GRID2: variants seen among roughly 807,000 people sequenced by gnomAD.
GRID2 encodes glutamate receptor ionotropic, delta-2.
Under a neutral mutation model 114.8 loss-of-function variants are expected in GRID2, and 33 were observed. The observed-to-expected ratio is 0.29, with a 90% confidence interval of 0.22 to 0.38. The LOEUF is 0.38. GRID2 is among the 10% of genes least tolerant of loss of function. GRID2 has a pLI of 1.00. For missense variants in GRID2, 1,184 were observed against 1,257.7 expected, an observed-to-expected ratio of 0.94 and a Z score of 0.89; for synonymous variants, 505 against 449.9, an observed-to-expected ratio of 1.12 and a Z score of -1.55.
At chr4:92,978,054 T>C (rs555129641) in intron 2 of GRID2, among the ~76,000 whole-genome samples, 1 of 152,248 alleles carries the variant, frequency 6.6e-6, no homozygotes, top group African/African-American at 2.4e-5. Context: ...GGATAGTCTA[T>C]ATAAGTAAGA....
rs986123754 is a variant in GRID2 at position 92,715,620 on chromosome 4, G to T, written c.244+125334G>T. On this transcript the variant is annotated intron_variant, in intron 2 of 15. Coordinates refer to ENST00000282020, the MANE Select transcript of GRID2 (RefSeq NM_001510.4). ...ACAATCATGGTGGAAGAAGATGAAA[G>T]GTACATCTCACGTGGTGGCAGACGA... Among the ~76,000 whole-genome samples the T allele has an allele frequency of 8.5e-5, 13 of 152,294 alleles. No individual in the cohort carries two copies. In the South Asian group the frequency reaches 1.0e-3, roughly 12 times the overall value.
At chr4:93,112,656 T>A (rs576620514) in intron 4 of GRID2, among the ~76,000 whole-genome samples, 3 of 152,258 alleles carry the variant, frequency 2.0e-5, no homozygotes, top group South Asian at 2.1e-4. Flanking sequence ...GCTAGTGTAT[T>A]CCTTTGCTAG....
At chr4:92,729,431 T>C (rs116272279) in intron 2 of GRID2, among the ~76,000 whole-genome samples, 3,304 of 152,098 alleles carry the variant, frequency 0.022, 60 homozygotes, top group Non-Finnish European at 0.033. Context: ...CTTTTAGTTT[T>C]TATTTTTGAT....
intron 3 of GRID2, among the ~76,000 whole-genome samples, chr4:93,098,380 C>T (rs750903824): frequency 5.3e-5 from 8 of 151,896 alleles, no homozygotes; most frequent in Admixed American, 4.6e-4. Flanking sequence ...AATTGGCAGT[C>T]GTTCCAGGCA....
chr4:93,496,572 T>C (rs1248919528), intron 12 of GRID2, among the ~76,000 whole-genome samples: 1 of 151,764 alleles, frequency 6.6e-6, no homozygotes, highest in African/African-American at 2.4e-5. Flanking sequence ...ACTTACTGTG[T>C]TCCCCATTTC....
At chr4:92,504,708 CTT>C (rs1246716587) in intron 1 of GRID2, among the ~76,000 whole-genome samples, 1 of 151,852 alleles carries the variant, frequency 6.6e-6, no homozygotes, top group Admixed American at 6.6e-5. Context: ...TGATAAAACT[CTT>C]ATAAAAAAAC....
intron 14 of GRID2, among the ~76,000 whole-genome samples, chr4:93,706,779 C>T (rs1728039144): frequency 6.6e-6 from 1 of 152,146 alleles, no homozygotes; most frequent in African/African-American, 2.4e-5. Context: ...AGCAGGCATC[C>T]TTGCCTTGAT....
In GRID2 at chr4:92,848,663, T is replaced by A. The variant is rs943560366; in HGVS notation, c.245-236332T>A. ...TAACTAGATTGATGAGTCTACATCA[T>A]TACCACCTGAGAATTTAATGAAGCG... On this transcript the variant is annotated intron_variant, in intron 2 of 15. Coordinates refer to ENST00000282020, the MANE Select transcript of GRID2 (RefSeq NM_001510.4). Among the ~76,000 whole-genome samples the A allele has an allele frequency of 2.0e-5, 3 of 151,898 alleles. 1 individual carries two copies. In the South Asian group the frequency reaches 6.2e-4, roughly 31 times the overall value.
chr4:92,728,315 G>C (rs1233222505), intron 2 of GRID2, among the ~76,000 whole-genome samples: 2 of 151,934 alleles, frequency 1.3e-5, no homozygotes, highest in Non-Finnish European at 2.9e-5. Context: ...AATTGCTGTG[G>C]GTCAGAAACC....
chr4:93,430,765 A>C (rs1243498278), intron 10 of GRID2, among the ~76,000 whole-genome samples: 2 of 152,258 alleles, frequency 1.3e-5, no homozygotes, highest in African/African-American at 4.8e-5. Flanking sequence ...GCACTAAGAA[A>C]GCAACAAGGA....
intron 8 of GRID2, among the ~76,000 whole-genome samples, chr4:93,375,211 T>TC (rs1763262753): frequency 6.9e-6 from 1 of 145,948 alleles, no homozygotes; most frequent in Non-Finnish European, 1.5e-5. Flanking sequence ...TTTCTTTTTT[T>TC]CCCTTTTTTT....
intron 2 of GRID2, among the ~76,000 whole-genome samples, chr4:92,640,246 G>A (rs532403181): frequency 1.3e-5 from 2 of 151,826 alleles, no homozygotes; most frequent in South Asian, 2.1e-4. Flanking sequence ...AGTGCCACAT[G>A]TGGTATGCCA....
At chr4:92,490,552 G>A (rs1310680776) in intron 1 of GRID2, among the ~76,000 whole-genome samples, 3 of 152,060 alleles carry the variant, frequency 2.0e-5, no homozygotes, top group South Asian at 2.1e-4. Flanking sequence ...GTTATTTTAC[G>A]TTGGTTTATT....
intron 1 of GRID2, among the ~76,000 whole-genome samples, chr4:92,331,164 C>T (rs532048241): frequency 6.6e-6 from 1 of 151,978 alleles, no homozygotes; most frequent in African/African-American, 2.4e-5. Flanking sequence ...TCAGACTGAC[C>T]TTGATTTACT....
Position 93,514,018 on chromosome 4 carries a change from G to A in GRID2, c.1998-1198G>A, listed in dbSNP as rs528414306. Among the ~76,000 whole-genome samples, 19 of 152,244 alleles carry A rather than the reference G, an allele frequency of 1.2e-4. No individual in the cohort carries two copies. In the East Asian group the frequency reaches 3.7e-3, roughly 29 times the overall value. On this transcript the variant is annotated intron_variant, in intron 12 of 15. Transcript: ENST00000282020. ...TGGTTGTAGAGTTCTGTGCGCATTCGTTCTTGTTTGAAGTACAGTATAGTG... is the reference window on the plus strand; with the variant it reads ...TGGTTGTAGAGTTCTGTGCGCATTCATTCTTGTTTGAAGTACAGTATAGTG...
At chr4:92,516,646 G>A (rs894723496) in intron 1 of GRID2, among the ~76,000 whole-genome samples, 1 of 151,776 alleles carries the variant, frequency 6.6e-6, no homozygotes, top group African/African-American at 2.4e-5. Flanking sequence ...CTGTGATTCT[G>A]TGCATCAATC....
At chr4:93,246,534 C>G (rs1748227777) in intron 8 of GRID2, among the ~76,000 whole-genome samples, 1 of 150,774 alleles carries the variant, frequency 6.6e-6, no homozygotes, top group Admixed American at 6.6e-5. Context: ...TTGCAGTGAG[C>G]CGAGATTGGG....
chr4:93,145,388 A>G (rs768615248), intron 4 of GRID2, among the ~76,000 whole-genome samples: 7 of 151,918 alleles, frequency 4.6e-5, no homozygotes, highest in Non-Finnish European at 8.8e-5. Context: ...GAAAACAGAC[A>G]TTGTAGTAGT....
intron 14 of GRID2, among the ~76,000 whole-genome samples, chr4:93,757,174 A>G (rs567446051): frequency 5.9e-5 from 9 of 152,318 alleles, no homozygotes; most frequent in Admixed American, 1.3e-4. Context: ...CAAAATTAAT[A>G]GTGCATAGTT....
Sources: allele counts gnomAD v4.1 joint callset (sites outside exome capture counted in the v4.1 genomes callset), GRCh38; gene constraint gnomAD v4.1.1; transcripts MANE v1.5; gene names NCBI Gene and HGNC (gene_info 2026-07-23, HGNC 2026-07-21).